The following ABCC1 variants were observed in gnomAD, a reference collection of about 807,000 sequenced individuals.
ABCC1 encodes the protein multidrug resistance-associated protein 1.
A neutral mutation model predicts 172.9 loss-of-function variants in ABCC1; 83 were observed. The ratio of observed to expected loss-of-function variants is 0.48; its 90% CI spans 0.40 to 0.58. The LOEUF is 0.58. Ranked by LOEUF, ABCC1 falls within the 20% of genes least tolerant of loss-of-function variation. ABCC1 has a pLI of 0.00. For synonymous variants in ABCC1, 937 were observed against 825.2 expected (o/e 1.14, Z -2.32); for missense variants, 1,817 against 2,002.7 (o/e 0.91, Z 1.77).
chr16:16,099,997 G>A (rs1207461271), intron 19 of ABCC1, among the ~76,000 whole-genome samples: 2 of 152,052 alleles, frequency 1.3e-5, no homozygotes, highest in Non-Finnish European at 2.9e-5. Context: ...GAGGTGGGAG[G>A]ATCGATTGAA....
At chr16:16,078,343 G>T (rs181089006) in intron 15 of ABCC1, among the ~76,000 whole-genome samples, 2 of 152,132 alleles carry the variant, frequency 1.3e-5, no homozygotes, top group Non-Finnish European at 2.9e-5. Flanking sequence ...ATTGACAGCC[G>T]GTCTTACTGG....
At chr16:16,086,611 G>A (rs1380885840) in intron 17 of ABCC1, among the ~76,000 whole-genome samples, 4 of 149,708 alleles carry the variant, frequency 2.7e-5, no homozygotes, top group Admixed American at 2.6e-4. Context: ...ACATCAGCAG[G>A]CTTGGCTAAT....
intron 6 of ABCC1, among the ~76,000 whole-genome samples, chr16:16,034,580 C>CTTTTTTTT (rs35163690): frequency 4.7e-5 from 4 of 84,682 alleles, no homozygotes; most frequent in Admixed American, 1.4e-4. Context: ...TGTATGTTAA[C>CTTTTTTTT]TTTTTTTTTT....
At chr16:16,091,811 C>T (rs914213245) in intron 19 of ABCC1, among the ~76,000 whole-genome samples, 1 of 152,186 alleles carries the variant, frequency 6.6e-6, no homozygotes, top group African/African-American at 2.4e-5. Flanking sequence ...TGACCAGCCC[C>T]AGGATACACA....
At chr16:16,034,812 T>A (rs555509693) in intron 6 of ABCC1, among the ~76,000 whole-genome samples, 66 of 151,940 alleles carry the variant, frequency 4.3e-4, no homozygotes, top group Non-Finnish European at 8.5e-4. Flanking sequence ...GGTCTCAAAC[T>A]CCTGACTTCA....
intron 21 of ABCC1, among the ~76,000 whole-genome samples, chr16:16,110,864 G>T (rs1303856412): frequency 6.6e-6 from 1 of 152,080 alleles, no homozygotes; most frequent in Non-Finnish European, 1.5e-5. Context: ...ATCTCACCAC[G>T]CGACTGGAAG....
intron 10 of ABCC1, among the ~76,000 whole-genome samples, chr16:16,049,296 A>T (rs967382136): frequency 6.6e-6 from 1 of 152,128 alleles, no homozygotes; most frequent in African/African-American, 2.4e-5. Flanking sequence ...GCTTGGTCCT[A>T]TTCACACCCG....
In ABCC1 at chr16:16,083,562, TG is replaced by T; in HGVS notation, c.2292+22del. 2 of 1,595,656 alleles carry T rather than the reference TG, an allele frequency of 1.3e-6. No individual in the cohort carries two copies. Among genetic ancestry groups the T allele is most frequent in the South Asian group, 2.2e-5 (2 of 90,640 alleles). On this transcript the variant is annotated intron_variant, in intron 17 of 30. Coordinates refer to ENST00000399410, the MANE Select transcript of ABCC1 (RefSeq NM_004996.4). Reference sequence around the variant, plus strand: ...GAGAAGGTCAGTATAGGTTGGATGTTGGCCCCTGAATCAGTCAGCTGTTGCC... The same window carrying T: ...GAGAAGGTCAGTATAGGTTGGATGTTGCCCCTGAATCAGTCAGCTGTTGCC...
Position 16,096,693 on chromosome 16 carries a change from G to C in ABCC1, c.2645-5934G>C, listed in dbSNP as rs138627820. Among the ~76,000 whole-genome samples, 14 of 152,308 alleles carry C rather than the reference G, an allele frequency of 9.2e-5. No individual in the cohort carries two copies. The East Asian group carries it at 1.7e-3, about 19-fold the overall frequency. On this transcript the variant is annotated intron_variant, in intron 19 of 30. Coordinates refer to ENST00000399410, the MANE Select transcript of ABCC1 (RefSeq NM_004996.4). ...TCCCTCCGGGGAGGCTGGCCTGCTG[G>C]ACCTTGCCCAAGCAGAGTTCCAGAA...
intron 22 of ABCC1, among the ~76,000 whole-genome samples, chr16:16,113,460 GC>G (rs1290803047): frequency 6.6e-6 from 1 of 152,176 alleles, no homozygotes; most frequent in Non-Finnish European, 1.5e-5. Flanking sequence ...TTCAAGACCA[GC>G]CTGGGCAGCA....
At chr16:16,037,595 G>C (rs559551336) in intron 7 of ABCC1, among the ~76,000 whole-genome samples, 1 of 152,306 alleles carries the variant, frequency 6.6e-6, no homozygotes, top group Admixed American at 6.5e-5. Context: ...CGGCCATGGG[G>C]GTAGTAGAAT....
chr16:16,111,448 T>C lies in ABCC1; in HGVS notation c.2945T>C (p.Phe982Ser). The C allele has an allele frequency of 6.2e-7, 1 of 1,614,144 alleles. No homozygotes were observed. Among genetic ancestry groups the C allele is most frequent in the Non-Finnish European group, 8.5e-7 (1 of 1,180,026 alleles). Residue 982 changes from phenylalanine to serine, a missense_variant, in exon 22 of 31, where the codon TTC (phenylalanine) becomes TCC (serine). Phe to Ser is a radical substitution (Grantham distance 155, BLOSUM62 -2). Transcript: ENST00000399410. Reference protein sequence around the residue: ...LFISFLSIFLFMCNHVSALAS... With the variant: ...LFISFLSIFLSMCNHVSALAS... ...ATCTCCTTCCTCAGCATCTTCCTTT[T>C]CATGTGTAACCATGTGTCCGCGCTG... is the stretch of plus-strand genomic sequence containing the variant.
rs968649245 is a variant in ABCC1, at chr16:16,137,598, C to T, written c.4293-766C>T. Among the ~76,000 whole-genome samples, 72 of 135,876 alleles carry T rather than the reference C, an allele frequency of 5.3e-4. 1 individual carries two copies. Among genetic ancestry groups the T allele is most frequent in the Non-Finnish European group, 4.6e-5 (3 of 65,194 alleles). 89.1% of individuals were successfully genotyped at this position (135,876 alleles called of 152,430 possible). On this transcript the variant is annotated intron_variant, in intron 29 of 30. Transcript: ENST00000399410. ...TGAGACGGAGGGTCTCACTCTATCA[C>T]CCAGGCTGGAGTGCAGTGGCGCAAT...
intron 14 of ABCC1, among the ~76,000 whole-genome samples, chr16:16,072,642 T>C (rs907867059): frequency 6.6e-6 from 1 of 151,972 alleles, no homozygotes; most frequent in African/African-American, 2.4e-5. Context: ...TGGCCATGCA[T>C]TTTTATTGGC....
At chr16:15,974,797 C>A (rs1442652464) in intron 1 of ABCC1, among the ~76,000 whole-genome samples, 1 of 152,040 alleles carries the variant, frequency 6.6e-6, no homozygotes, top group Admixed American at 6.6e-5. Flanking sequence ...TTCTGTTTTT[C>A]TTTTTATGAT....
At chr16:16,139,784 T>G (rs1236763146) in intron 30 of ABCC1, among the ~76,000 whole-genome samples, 2 of 150,046 alleles carry the variant, frequency 1.3e-5, no homozygotes, top group Non-Finnish European at 1.5e-5. Context: ...TCCTGGGGGG[T>G]TTTGAGTTTT....
At chr16:16,087,410 A>G (rs1172270227) in intron 18 of ABCC1, among the ~76,000 whole-genome samples, 6 of 152,132 alleles carry the variant, frequency 3.9e-5, no homozygotes. Context: ...TGTTCTTTTT[A>G]TAGGGCAGTT....
At position 16,114,891 on chromosome 16, in the gene ABCC1, A is replaced by G; in HGVS notation, c.3205A>G (p.Ser1069Gly). The change falls in exon 23 of 31, where the codon AGT becomes GGT. Residue 1069 changes from serine (S) to glycine (G), a missense_variant. Physicochemically the swap from Ser to Gly is moderately conservative, Grantham distance 56. Transcript: ENST00000399410. ...SPMSFFERTP[S>G]GNLVNRFSKE... is the part of the protein sequence containing the mutation. Reference sequence around the variant, plus strand: ...CATGAGCTTCTTTGAGCGGACCCCCAGTGGGAACCTGGTGAACCGCTTCTC... The same window carrying G: ...CATGAGCTTCTTTGAGCGGACCCCCGGTGGGAACCTGGTGAACCGCTTCTC... 4 of 1,613,896 alleles carry G rather than the reference A, an allele frequency of 2.5e-6. No homozygotes were observed. The highest frequency in any genetic ancestry group is 3.4e-6 in the Non-Finnish European group (4 of 1,179,894).
chr16:16,099,132 A>C (rs889255225), intron 19 of ABCC1, among the ~76,000 whole-genome samples: 1 of 152,212 alleles, frequency 6.6e-6, no homozygotes, highest in Non-Finnish European at 1.5e-5. Context: ...ATTGTCACTG[A>C]TGACCTTGGG....
Sources: allele counts gnomAD v4.1 joint callset (sites outside exome capture counted in the v4.1 genomes callset), GRCh38; gene constraint gnomAD v4.1.1; transcripts MANE v1.5; gene names NCBI Gene and HGNC (gene_info 2026-07-23, HGNC 2026-07-21).